MAP3K19: variants seen among roughly 807,000 people sequenced by gnomAD.
MAP3K19 encodes SPS1/STE20-related protein kinase YSK4.
Under a neutral mutation model 114.4 loss-of-function variants are expected in MAP3K19, and 91 were observed. The observed-to-expected ratio is 0.80, with a 90% confidence interval of 0.67 to 0.95. MAP3K19 has a LOEUF of 0.95. MAP3K19 is among the 40% of genes least tolerant of loss of function. The pLI, the probability that MAP3K19 is intolerant of heterozygous loss-of-function variation, is 0.00. For missense variants in MAP3K19, 1,471 were observed against 1,573.2 expected (o/e 0.94, Z 1.10); for synonymous variants, 518 against 530.5 (o/e 0.98, Z 0.32).
intron 9 of MAP3K19, among the ~76,000 whole-genome samples, chr2:134,990,829 C>T (rs1685516391): frequency 6.6e-6 from 1 of 152,128 alleles, no homozygotes; most frequent in Non-Finnish European, 1.5e-5. Flanking sequence ...AAGAATACAG[C>T]ATATAATACA....
At chr2:135,011,936 T>C (rs1687264735) in intron 5 of MAP3K19, among the ~76,000 whole-genome samples, 1 of 152,190 alleles carries the variant, frequency 6.6e-6, no homozygotes, top group Non-Finnish European at 1.5e-5. Context: ...AATGTATTAA[T>C]ATGAAGTGAT....
intron 1 of MAP3K19, among the ~76,000 whole-genome samples, chr2:135,045,444 A>G (rs1688723749): frequency 6.6e-6 from 1 of 152,210 alleles, no homozygotes; most frequent in Non-Finnish European, 1.5e-5. Context: ...ATGCAACAGT[A>G]TTTGCAGGAT....
At chr2:135,018,809 G>A (rs1446387820) in intron 5 of MAP3K19, among the ~76,000 whole-genome samples, 1 of 152,136 alleles carries the variant, frequency 6.6e-6, no homozygotes, top group East Asian at 1.9e-4. Flanking sequence ...ATTCCGCTGG[G>A]CGTGGCGGCT....
At chr2:135,025,519 G>A (rs1425024275) in intron 3 of MAP3K19, among the ~76,000 whole-genome samples, 2 of 151,562 alleles carry the variant, frequency 1.3e-5, no homozygotes, top group East Asian at 3.9e-4. Flanking sequence ...CAGAGTAGCT[G>A]GGACTACAGG....
At chr2:134,985,484 T>C (rs1193041315) in intron 10 of MAP3K19, among the ~76,000 whole-genome samples, 1 of 152,260 alleles carries the variant, frequency 6.6e-6, no homozygotes, top group Non-Finnish European at 1.5e-5. Context: ...GGAAATGATA[T>C]GCTGTTGATT....
intron 5 of MAP3K19, among the ~76,000 whole-genome samples, chr2:135,007,723 T>A (rs1393124583): frequency 6.6e-6 from 1 of 152,206 alleles, no homozygotes; most frequent in East Asian, 1.9e-4. Context: ...GCGGATGGGT[T>A]CACTCAGCTC....
chr2:135,027,384 AAAAG>A (rs1287954112), intron 3 of MAP3K19, among the ~76,000 whole-genome samples: 19 of 134,804 alleles, frequency 1.4e-4, no homozygotes, highest in Admixed American at 3.6e-4. Flanking sequence ...AAAGAAAGAA[AAAAG>A]AAAGAAAGAA....
intron 6 of MAP3K19, among the ~76,000 whole-genome samples, chr2:135,001,834 C>A (rs1007095706): frequency 6.6e-6 from 1 of 152,178 alleles, no homozygotes; most frequent in African/African-American, 2.4e-5. Flanking sequence ...GTCTGTTCAT[C>A]AGCTGACTTC....
chr2:134,971,791 A>G (rs1418660705), intron 12 of MAP3K19, among the ~76,000 whole-genome samples: 1 of 144,954 alleles, frequency 6.9e-6, no homozygotes, highest in African/African-American at 2.5e-5. Flanking sequence ...TTTTTATTTC[A>G]GTCATCTCTC....
chr2:134,967,552 T>C (rs201009619), intron 12 of MAP3K19, among the ~76,000 whole-genome samples: 1 of 152,244 alleles, frequency 6.6e-6, no homozygotes, highest in Non-Finnish European at 1.5e-5. Context: ...TATTCTTTAC[T>C]CCACTGAGAT....
chr2:135,016,113 C>T (rs557130671), intron 5 of MAP3K19, among the ~76,000 whole-genome samples: 3 of 152,102 alleles, frequency 2.0e-5, no homozygotes, highest in South Asian at 2.1e-4. Flanking sequence ...AAAAATTATC[C>T]GGGAATGGTG....
chr2:134,968,848 C>T (rs867263202), intron 12 of MAP3K19, among the ~76,000 whole-genome samples: 1,604 of 150,226 alleles, frequency 0.011, 31 homozygotes, highest in African/African-American at 0.037. Flanking sequence ...TGGGCAGAGA[C>T]GCTCCTCACT....
chr2:134,985,002 A>G (rs1684993877), intron 10 of MAP3K19, among the ~76,000 whole-genome samples: 1 of 152,160 alleles, frequency 6.6e-6, no homozygotes, highest in Non-Finnish European at 1.5e-5. Flanking sequence ...GTGCAGTATG[A>G]CCTGAGTTAG....
chr2:135,001,124 T>TAA (rs202144188), intron 6 of MAP3K19, among the ~76,000 whole-genome samples: 9 of 146,020 alleles, frequency 6.2e-5, no homozygotes, highest in African/African-American at 2.2e-4. Flanking sequence ...ACAAGTGCAT[T>TAA]AAAAAAAAAA....
rs146412252 is a variant in MAP3K19 at position 134,999,489 on chromosome 2, G to A, written c.314+448C>T. On this transcript the variant is annotated intron_variant, in intron 7 of 12. Transcript: ENST00000392915. The surrounding 1 kb of genome is among the most constrained non-coding windows in gnomAD (Gnocchi z 4.1). The stretch of plus-strand genomic sequence containing the variant: ...TTGTTTCACTACCCGATCAATGAAC[G>A]TAAGTTATTTGCCAAATTGCTTTGC... Among the ~76,000 whole-genome samples the A allele has an allele frequency of 9.3e-4, 141 of 152,290 alleles. No individual in the cohort carries two copies. The highest frequency in any genetic ancestry group is 2.7e-3 in the East Asian group (14 of 5,186).
intron 5 of MAP3K19, among the ~76,000 whole-genome samples, chr2:135,020,975 C>T (rs951874533): frequency 2.0e-5 from 3 of 152,162 alleles, no homozygotes; most frequent in Non-Finnish European, 2.9e-5. Context: ...TGGACCACCA[C>T]GGCTAGCCTA....
Position 134,999,357 on chromosome 2 carries a change from C to A in MAP3K19, c.315-360G>T, listed in dbSNP as rs1686267104. Among the ~76,000 whole-genome samples the A allele has an allele frequency of 1.3e-5, 2 of 152,120 alleles. No homozygotes were observed. Among genetic ancestry groups the A allele is most frequent in the South Asian group, 2.1e-4 (1 of 4,832 alleles). On this transcript the variant is annotated intron_variant, in intron 7 of 12. Coordinates refer to ENST00000392915, the MANE Select transcript of MAP3K19 (RefSeq NM_025052.5). This position sits in a 1 kb window ranked among gnomAD's most constrained non-coding sequence, Gnocchi z 4.1. ...TCTCAAACTATTTTTGATGAAGAAC[C>A]AGCATTTAAATTTCCAGTCATTGTG...
intron 8 of MAP3K19, among the ~76,000 whole-genome samples, chr2:134,995,332 A>AAG (rs1224500014): frequency 2.6e-5 from 4 of 151,710 alleles, no homozygotes; most frequent in Non-Finnish European, 5.9e-5. Context: ...AAAAAAAAAA[A>AAG]AGTAAGGAAA....
At chr2:135,006,004 G>A (rs913367372) in intron 5 of MAP3K19, among the ~76,000 whole-genome samples, 4 of 152,192 alleles carry the variant, frequency 2.6e-5, no homozygotes, top group Admixed American at 6.5e-5. Flanking sequence ...AGACTGAAAG[G>A]AGGCAGCAAA....
Sources: gnomAD v4.1 joint callset for allele counts (sites outside exome capture counted in the v4.1 genomes callset) on GRCh38, gnomAD v4.1.1 for gene constraint, Gnocchi (gnomAD v3.1) non-coding constraint, MANE v1.5 for transcripts, NCBI Gene and HGNC (gene_info 2026-07-23, HGNC 2026-07-21) for gene names.